AFG2A: variants seen among roughly 807,000 people sequenced by gnomAD.
AFG2A encodes the protein AAA ATPase AFG2A.
At chr4:122,986,642 G>A in the AFG2A span, among the ~76,000 whole-genome samples, 8 of 152,244 alleles carry the variant, frequency 5.3e-5, no homozygotes, top group African/African-American at 1.9e-4. Context: ...ATAAGGTGCA[G>A]TGTACACTGC....
At chr4:123,071,105 C>T in the AFG2A span, among the ~76,000 whole-genome samples, 1 of 152,158 alleles carries the variant, frequency 6.6e-6, no homozygotes, top group Non-Finnish European at 1.5e-5. Context: ...ATATCAGTGC[C>T]TGCAGGTTCA....
the AFG2A span, among the ~76,000 whole-genome samples, chr4:123,177,145 T>A: frequency 6.6e-6 from 1 of 152,068 alleles, no homozygotes; most frequent in East Asian, 1.9e-4. Flanking sequence ...TGTGTAATCA[T>A]GTTATTTTGT....
At chr4:122,956,715 C>T in the AFG2A span, among the ~76,000 whole-genome samples, 2,938 of 152,196 alleles carry the variant, frequency 0.019, 73 homozygotes, top group East Asian at 0.15. Context: ...ACTGCAAGCT[C>T]CGCCTATGAG....
chr4:123,235,166 T>C, the AFG2A span, among the ~76,000 whole-genome samples: 1 of 152,150 alleles, frequency 6.6e-6, no homozygotes, highest in Non-Finnish European at 1.5e-5. Flanking sequence ...GATAAGTATC[T>C]TACTAATGAC....
the AFG2A span, among the ~76,000 whole-genome samples, chr4:122,967,657 T>G: frequency 6.6e-6 from 1 of 152,152 alleles, no homozygotes; most frequent in African/African-American, 2.4e-5. Flanking sequence ...TATAGAAAAT[T>G]CCCAAAACTG....
the AFG2A span, among the ~76,000 whole-genome samples, chr4:122,951,506 A>G: frequency 1.3e-5 from 2 of 152,128 alleles, no homozygotes; most frequent in Non-Finnish European, 2.9e-5. Context: ...GTATTGATGA[A>G]GACAATATTT....
chr4:122,983,766 A>G, the AFG2A span, among the ~76,000 whole-genome samples: 1 of 152,188 alleles, frequency 6.6e-6, no homozygotes, highest in Non-Finnish European at 1.5e-5. Context: ...CTTGAAAAGA[A>G]TATGTATTTG....
At chr4:123,227,716 G>A in the AFG2A span, among the ~76,000 whole-genome samples, 4 of 152,162 alleles carry the variant, frequency 2.6e-5, no homozygotes, top group Non-Finnish European at 5.9e-5. Context: ...TTCTGTAGTT[G>A]TCTATTAGGT....
the AFG2A span, among the ~76,000 whole-genome samples, chr4:123,241,568 G>A: frequency 3.3e-5 from 5 of 152,242 alleles, no homozygotes; most frequent in South Asian, 4.1e-4. Context: ...AAAGGCCTTC[G>A]AAAAAATTCA....
At chr4:123,160,057 C>A in the AFG2A span, among the ~76,000 whole-genome samples, 1 of 145,322 alleles carries the variant, frequency 6.9e-6, no homozygotes, top group Non-Finnish European at 1.5e-5. Flanking sequence ...GAGACTCCTT[C>A]TAGAGTAACA....
At chr4:123,243,903 T>C in the AFG2A span, among the ~76,000 whole-genome samples, 6 of 151,844 alleles carry the variant, frequency 4.0e-5, no homozygotes, top group African/African-American at 1.5e-4. Flanking sequence ...ACACCTGTGG[T>C]CCCACCTATT....
the AFG2A span, among the ~76,000 whole-genome samples, chr4:123,173,932 A>T: frequency 6.6e-5 from 10 of 152,152 alleles, no homozygotes; most frequent in Non-Finnish European, 1.3e-4. Context: ...ATACAAAGCA[A>T]GACAAATATA....
At chr4:123,259,625 A>G in the AFG2A span, among the ~76,000 whole-genome samples, 1 of 152,120 alleles carries the variant, frequency 6.6e-6, no homozygotes, top group Non-Finnish European at 1.5e-5. Flanking sequence ...GGTTATCACT[A>G]TTGTTTTCTT....
At chr4:123,061,105 C>T in the AFG2A span, among the ~76,000 whole-genome samples, 595 of 152,310 alleles carry the variant, frequency 3.9e-3, 5 homozygotes, top group African/African-American at 0.012. Context: ...GTCAAAGCCA[C>T]TTAACACGTC....
chr4:123,224,771 C>T, the AFG2A span, among the ~76,000 whole-genome samples: 435 of 152,206 alleles, frequency 2.9e-3, 2 homozygotes, highest in African/African-American at 9.8e-3. Context: ...TTCTAGATCC[C>T]TGAGGAATCA....
chr4:123,143,618 C>T, the AFG2A span, among the ~76,000 whole-genome samples: 6 of 151,350 alleles, frequency 4.0e-5, no homozygotes, highest in East Asian at 7.8e-4. Context: ...TTAAGTGTTA[C>T]TAAGAGGAAA....
chr4:123,003,119 C>T, the AFG2A span, among the ~76,000 whole-genome samples: 4 of 152,330 alleles, frequency 2.6e-5, no homozygotes, highest in South Asian at 2.1e-4. Flanking sequence ...CTTCTGCATT[C>T]TTCACGTAGT....
the AFG2A span, among the ~76,000 whole-genome samples, chr4:123,042,816 A>G: frequency 6.6e-6 from 1 of 152,144 alleles, no homozygotes; most frequent in South Asian, 2.1e-4. Flanking sequence ...TCTTACATCA[A>G]TATACTTTTG....
chr4:123,046,225 A>G, the AFG2A span, among the ~76,000 whole-genome samples: 19 of 152,286 alleles, frequency 1.2e-4, no homozygotes, highest in South Asian at 1.0e-3. Flanking sequence ...CAGTATCACT[A>G]TTTGTACTGA....
Sources: gnomAD v4.1 joint callset for allele counts (sites outside exome capture counted in the v4.1 genomes callset) on GRCh38, gnomAD v4.1.1 for gene constraint, MANE v1.5 for transcripts, NCBI Gene and HGNC (gene_info 2026-07-23, HGNC 2026-07-21) for gene names.